The following FAM78B variants were observed in gnomAD, a reference collection of about 807,000 sequenced individuals.
FAM78B encodes the protein family with sequence similarity 78 member B, also known as protein FAM78B.
In FAM78B, 10 loss-of-function variants were observed where a neutral mutation model predicts 20.0. The ratio of observed to expected loss-of-function variants is 0.50; its 90% CI spans 0.31 to 0.85. The LOEUF (loss-of-function observed/expected upper bound fraction) is 0.85. Among genes scored for constraint, FAM78B ranks in the 40% least tolerant of loss-of-function variants. The pLI is 0.05. For missense variants in FAM78B, 283 were observed against 345.0 expected, an observed-to-expected ratio of 0.82 and a Z score of 1.42; for synonymous variants, 135 against 132.8, an observed-to-expected ratio of 1.02 and a Z score of -0.12.
intron 1 of FAM78B, among the ~76,000 whole-genome samples, chr1:166,150,623 C>A (rs932790386): frequency 2.0e-5 from 3 of 152,188 alleles, no homozygotes; most frequent in South Asian, 4.1e-4. Flanking sequence ...AAAAGAGTTA[C>A]GACCACACTA....
intron 1 of FAM78B, among the ~76,000 whole-genome samples, chr1:166,129,923 C>T (rs566430574): frequency 1.3e-5 from 2 of 152,328 alleles, no homozygotes; most frequent in East Asian, 1.9e-4. Flanking sequence ...TCCAAGCCTC[C>T]GTAGACTGAT....
At chr1:166,067,035 A>G (rs557341660), downstream of FAM78B, among the ~76,000 whole-genome samples, 6 of 152,350 alleles carry the variant, frequency 3.9e-5, no homozygotes, top group South Asian at 1.0e-3. Flanking sequence ...TTTCTTTTAC[A>G]TAATAGTAAC....
intron 1 of FAM78B, among the ~76,000 whole-genome samples, chr1:166,099,501 ACT>A (rs1307012518): frequency 6.6e-5 from 10 of 150,498 alleles, no homozygotes; most frequent in Non-Finnish European, 2.9e-5. Context: ...AAACTCACCA[ACT>A]AACTATCTGC....
At position 166,166,672 on chromosome 1, in the gene FAM78B, A is replaced by C. The variant is rs952581688; in HGVS notation, c.-424T>G. Reference sequence around the variant, plus strand: ...GGAGCCGGGGGAGGGCGGCGGTGGCAGCGCCCGGTCTGTCTGCCTCCGCGG... The same window carrying C: ...GGAGCCGGGGGAGGGCGGCGGTGGCCGCGCCCGGTCTGTCTGCCTCCGCGG... On this transcript the variant is annotated 5_prime_UTR_variant, in exon 1 of 2. Coordinates refer to ENST00000354422, the MANE Select transcript of FAM78B (RefSeq NM_001017961.5). The C allele has an allele frequency of 3.3e-5, 5 of 149,408 alleles. No homozygotes were observed. The East Asian group carries it at 8.0e-4, about 24-fold the overall frequency. 9.3% of individuals were successfully genotyped at this position (149,408 alleles called of 1,614,324 possible). A position where few individuals can be genotyped will look rare whatever the true frequency, so the allele number is the denominator to read the frequency against.
At chr1:166,113,390 G>A (rs1007925677) in intron 1 of FAM78B, among the ~76,000 whole-genome samples, 1 of 152,174 alleles carries the variant, frequency 6.6e-6, no homozygotes. Context: ...TGTTAAACAG[G>A]GCTAACAGCT....
At chr1:166,123,888 C>T (rs1654549152) in intron 1 of FAM78B, among the ~76,000 whole-genome samples, 2 of 152,174 alleles carry the variant, frequency 1.3e-5, no homozygotes, top group Non-Finnish European at 2.9e-5. Context: ...GGGTCGCATG[C>T]CCATCGCTTG....
intron 1 of FAM78B, among the ~76,000 whole-genome samples, chr1:166,105,575 C>T (rs1245758475): frequency 6.6e-6 from 1 of 152,214 alleles, no homozygotes; most frequent in African/African-American, 2.4e-5. Flanking sequence ...CAAAAGAAGA[C>T]ATGTATGCAG....
intron 1 of FAM78B, among the ~76,000 whole-genome samples, chr1:166,086,568 GCA>G (rs952570483): frequency 7.9e-5 from 12 of 152,332 alleles, no homozygotes; most frequent in Admixed American, 6.5e-4. Flanking sequence ...TGCTCTAGCA[GCA>G]CAGACTTTAA....
At position 166,119,917 on chromosome 1, in the gene FAM78B, A is replaced by G. The variant is rs2101767348; in HGVS notation, c.263+46069T>C. Among the ~76,000 whole-genome samples the G allele has an allele frequency of 2.0e-5, 3 of 152,268 alleles. No individual in the cohort carries two copies. The South Asian group carries it at 6.2e-4, about 32-fold the overall frequency. ...CAAGGGTGACATTTCCAGCCACAAG[A>G]GGGAAGCTAAGCATGAAAGAGAAGA... On this transcript the variant is annotated intron_variant, in intron 1 of 1. Transcript: ENST00000354422.
chr1:166,144,295 G>A (rs1274936011), intron 1 of FAM78B, among the ~76,000 whole-genome samples: 2 of 151,814 alleles, frequency 1.3e-5, no homozygotes, highest in Admixed American at 1.3e-4. Context: ...GTGGTGGTGG[G>A]GGGGTGGTCT....
chr1:166,123,692 A>G (rs895011572), intron 1 of FAM78B, among the ~76,000 whole-genome samples: 11 of 152,226 alleles, frequency 7.2e-5, no homozygotes, highest in African/African-American at 2.7e-4. Context: ...GCAGAAAAGA[A>G]CCATAAGAAC....
rs145294968 is a variant in FAM78B, at chr1:166,101,036, A to G, written c.264-30273T>C. Reference sequence around the variant, plus strand: ...AGGCAGCAACATTTGCTGTTCACCAATATCTGCTGTTCTGCAGCCTCCGCT... The same window carrying G: ...AGGCAGCAACATTTGCTGTTCACCAGTATCTGCTGTTCTGCAGCCTCCGCT... On this transcript the variant is annotated intron_variant, in intron 1 of 1. Transcript: ENST00000354422. Among the ~76,000 whole-genome samples the G allele has an allele frequency of 1.2e-3, 187 of 152,326 alleles. 4 individuals are homozygous for G. In the East Asian group the frequency reaches 0.033, roughly 27 times the overall value.
chr1:166,134,634 T>A (rs1276929208), intron 1 of FAM78B, among the ~76,000 whole-genome samples: 1 of 152,218 alleles, frequency 6.6e-6, no homozygotes, highest in East Asian at 1.9e-4. Context: ...CATATGAATT[T>A]AATAATACCT....
intron 1 of FAM78B, among the ~76,000 whole-genome samples, chr1:166,094,378 G>A (rs566452790): frequency 1.0e-3 from 153 of 152,310 alleles, no homozygotes; most frequent in African/African-American, 3.6e-3. Flanking sequence ...TCCATGTAGG[G>A]CTCAGTCTCA....
intron 1 of FAM78B, among the ~76,000 whole-genome samples, chr1:166,071,606 C>T (rs1401117107): frequency 6.6e-6 from 1 of 152,254 alleles, no homozygotes; most frequent in Non-Finnish European, 1.5e-5. Flanking sequence ...TTGAGTGTTA[C>T]TCTATTACAA....
At position 166,107,330 on chromosome 1, in the gene FAM78B, C is replaced by T. The variant is rs181459497; in HGVS notation, c.264-36567G>A. On this transcript the variant is annotated intron_variant, in intron 1 of 1. Coordinates refer to ENST00000354422, the MANE Select transcript of FAM78B (RefSeq NM_001017961.5). The stretch of plus-strand genomic sequence containing the variant: ...ACAAAACAGGAGATATTACAACTGA[C>T]ACCACTGAAATACAAAAGATTATTC... Among the ~76,000 whole-genome samples the T allele has an allele frequency of 6.6e-3, 1,007 of 152,206 alleles. 34 individuals are homozygous for T. The South Asian group carries it at 0.087, about 13-fold the overall frequency.
intron 1 of FAM78B, among the ~76,000 whole-genome samples, chr1:166,161,161 T>C (rs946015939): frequency 6.6e-6 from 1 of 152,136 alleles, no homozygotes; most frequent in Non-Finnish European, 1.5e-5. Flanking sequence ...TTCTTTCTTT[T>C]TTTTTTTTTG....
At chr1:166,096,273 C>T (rs960253119) in intron 1 of FAM78B, among the ~76,000 whole-genome samples, 1 of 152,136 alleles carries the variant, frequency 6.6e-6, no homozygotes, top group African/African-American at 2.4e-5. Context: ...CTACTATTAC[C>T]CAGGAGCCAC....
At chr1:166,083,795 C>A (rs1652678900) in intron 1 of FAM78B, among the ~76,000 whole-genome samples, 1 of 120,280 alleles carries the variant, frequency 8.3e-6, no homozygotes, top group South Asian at 3.2e-4. Flanking sequence ...AGCCACGCAC[C>A]CAGCTTTTTT....
Sources: gnomAD v4.1 joint callset for allele counts (sites outside exome capture counted in the v4.1 genomes callset) on GRCh38, gnomAD v4.1.1 for gene constraint, MANE v1.5 for transcripts, NCBI Gene and HGNC (gene_info 2026-07-23, HGNC 2026-07-21) for gene names.